Variants in RAD51D observed in about 807,000 individuals in gnomAD.
RAD51D encodes DNA repair protein RAD51 homolog 4.
In RAD51D, 38 loss-of-function variants were observed where a neutral mutation model predicts 44.1. The ratio of observed to expected loss-of-function variants is 0.86; its 90% CI spans 0.67 to 1.13. The LOEUF is 1.13. Ranked by LOEUF, RAD51D falls within the 50% of genes most tolerant of loss-of-function variation. RAD51D has a pLI of 0.00. For missense variants in RAD51D, 390 were observed against 414.0 expected, an observed-to-expected ratio of 0.94 and a Z score of 0.50; for synonymous variants, 141 against 166.6, an observed-to-expected ratio of 0.85 and a Z score of 1.18.
chr17:35,099,523 G>GT lies in RAD51D; in HGVS notation c.*1429dup, dbSNP rs1447733777. 5 of 267,952 alleles carry GT rather than the reference G, an allele frequency of 1.9e-5. No homozygotes were observed. In the Admixed American group the frequency reaches 2.4e-4, roughly 13 times the overall value. 16.6% of individuals were successfully genotyped at this position (267,952 alleles called of 1,614,324 possible). A position where few individuals can be genotyped will look rare whatever the true frequency, so the allele number is the denominator to read the frequency against. On this transcript the variant is annotated 3_prime_UTR_variant, in exon 10 of 10. Transcript: ENST00000345365. ...AGATTAATTTCTCCTGAGGTCTTCT[G>GT]TGAAAGCAAGCGCTAGGATTCCCCC...
At chr17:35,116,904 G>A (rs755753106) in intron 3 of RAD51D, 7 of 1,601,564 alleles carry the variant, frequency 4.4e-6, no homozygotes, top group East Asian at 2.3e-5. Context: ...AGCATTCAGC[G>A]AAAGTCCATC....
chr17:35,108,459 A>G (rs1021557190), intron 3 of RAD51D, among the ~76,000 whole-genome samples: 1 of 148,084 alleles, frequency 6.8e-6, no homozygotes, highest in Non-Finnish European at 1.5e-5. Flanking sequence ...CAGGAGTTCA[A>G]GTCTAGCCCA....
At chr17:35,114,044 G>A (rs912338126) in intron 3 of RAD51D, among the ~76,000 whole-genome samples, 5 of 152,010 alleles carry the variant, frequency 3.3e-5, no homozygotes, top group South Asian at 4.1e-4. Flanking sequence ...AGGCCGAGGC[G>A]GGTGGATCAC....
At chr17:35,109,087 G>A (rs1187773854) in intron 3 of RAD51D, among the ~76,000 whole-genome samples, 1 of 151,988 alleles carries the variant, frequency 6.6e-6, no homozygotes, top group East Asian at 1.9e-4. Flanking sequence ...GACTGGTCTG[G>A]AACTCCTGAC....
chr17:35,117,808 C>T (rs2091767707), intron 3 of RAD51D, among the ~76,000 whole-genome samples: 1 of 152,156 alleles, frequency 6.6e-6, no homozygotes, highest in Admixed American at 6.6e-5. Context: ...GACCGCAACT[C>T]CTTCTTTCTC....
chr17:35,114,116 CA>C (rs1176485391), intron 3 of RAD51D, among the ~76,000 whole-genome samples: 7 of 151,872 alleles, frequency 4.6e-5, no homozygotes, highest in African/African-American at 7.3e-5. Flanking sequence ...ACTAAAAATA[CA>C]AAAAATTAGC....
In RAD51D at chr17:35,100,661, T is replaced by C. The variant is rs1567724317; in HGVS notation, c.*292A>G. On this transcript the variant is annotated 3_prime_UTR_variant, in exon 10 of 10. Transcript: ENST00000345365. The stretch of plus-strand genomic sequence containing the variant: ...AGTCGCCAGCATGCCTCATCAGAGA[T>C]GCTCCCAGCCAGGGTGAACTTGGTT... The C allele has an allele frequency of 1.7e-6, 1 of 577,326 alleles. No homozygotes were observed. Among genetic ancestry groups the C allele is most frequent in the Non-Finnish European group, 3.2e-6 (1 of 310,156 alleles). 35.8% of individuals were successfully genotyped at this position (577,326 alleles called of 1,614,324 possible).
At chr17:35,114,308 CAG>C (rs999722719) in intron 3 of RAD51D, among the ~76,000 whole-genome samples, 4 of 151,530 alleles carry the variant, frequency 2.6e-5, no homozygotes, top group Admixed American at 1.3e-4. Context: ...AAAATAAAAT[CAG>C]GGGAGTTTTT....
intron 6 of RAD51D, among the ~76,000 whole-genome samples, chr17:35,105,257 T>C (rs2091585644): frequency 6.6e-6 from 1 of 152,156 alleles, no homozygotes; most frequent in African/African-American, 2.4e-5. Context: ...AGCTGGTGGG[T>C]CATAACCAGC....
Position 35,100,882 on chromosome 17 carries a change from G to T in RAD51D, c.*71C>A. 7.7e-7 allele frequency: 1 copy of T among 1,294,138 alleles called. No individual in the cohort carries two copies. The highest frequency in any genetic ancestry group is 1.1e-6 in the Non-Finnish European group (1 of 889,860). 80.2% of individuals were successfully genotyped at this position (1,294,138 alleles called of 1,614,324 possible). A position where few individuals can be genotyped will look rare whatever the true frequency, so the allele number is the denominator to read the frequency against. On this transcript the variant is annotated 3_prime_UTR_variant, in exon 10 of 10. Transcript: ENST00000345365. ...CACCAGTGCCAGGTGGCAGTAAACAGCAGGCGTTACTGGGAAGAAAAGTTG... is the reference window on the plus strand; with the variant it reads ...CACCAGTGCCAGGTGGCAGTAAACATCAGGCGTTACTGGGAAGAAAAGTTG...
chr17:35,110,441 C>T (rs775471933), intron 3 of RAD51D, among the ~76,000 whole-genome samples: 35 of 152,100 alleles, frequency 2.3e-4, no homozygotes, highest in Non-Finnish European at 4.1e-4. Flanking sequence ...GATTAGGCCC[C>T]ATTAATCAAA....
In RAD51D at chr17:35,099,067, A is replaced by T. The variant is rs1195016863; in HGVS notation, c.*1886T>A. 1 of 151,594 alleles carries T rather than the reference A, an allele frequency of 6.6e-6. No individual in the cohort carries two copies. Among genetic ancestry groups the T allele is most frequent in the Non-Finnish European group, 1.5e-5 (1 of 67,900 alleles). 9.4% of individuals were successfully genotyped at this position (151,594 alleles called of 1,614,324 possible). On this transcript the variant is annotated 3_prime_UTR_variant, in exon 10 of 10. Transcript: ENST00000345365. ...CATCATGTTGCCCAGGCTGATTTTA[A>T]ACTGTTAAACTCCTGGGCTCAAGTG...
At chr17:35,117,011 G>C in intron 3 of RAD51D, 1 of 1,613,426 alleles carries the variant, frequency 6.2e-7, no homozygotes, top group East Asian at 2.2e-5. Flanking sequence ...GTCCTCCCAG[G>C]TTCCCACTTG....
At chr17:35,114,991 T>G (rs960212612) in intron 3 of RAD51D, among the ~76,000 whole-genome samples, 27 of 152,178 alleles carry the variant, frequency 1.8e-4, no homozygotes, top group Non-Finnish European at 3.1e-4. Flanking sequence ...TGGAGATCAG[T>G]CTGTATAAGG....
chr17:35,109,965 CTTT>C (rs60553944), intron 3 of RAD51D, among the ~76,000 whole-genome samples: 3 of 132,792 alleles, frequency 2.3e-5, no homozygotes, highest in Non-Finnish European at 3.1e-5. Flanking sequence ...CCACGCCTGG[CTTT>C]TTTTTTTTTT....
chr17:35,103,800 T>C lies in RAD51D; in HGVS notation c.577-256A>G, dbSNP rs193192320. Among the ~76,000 whole-genome samples the C allele has an allele frequency of 4.2e-4, 64 of 152,306 alleles. No individual in the cohort carries two copies. Among genetic ancestry groups the C allele is most frequent in the Non-Finnish European group, 5.9e-5 (4 of 68,016 alleles). Reference sequence around the variant, plus strand: ...GACATCAAAACTACACTAAAGTGGCTGGGCGCAGTGGCTCACGCCTGTAAT... The same window carrying C: ...GACATCAAAACTACACTAAAGTGGCCGGGCGCAGTGGCTCACGCCTGTAAT... On this transcript the variant is annotated intron_variant, in intron 6 of 9. Transcript: ENST00000345365. This position sits in a 1 kb window ranked among gnomAD's most constrained non-coding sequence, Gnocchi z 4.1.
intron 3 of RAD51D, among the ~76,000 whole-genome samples, chr17:35,115,956 G>GGAAAGAAAGGAAA (rs1555569881): frequency 4.6e-5 from 3 of 65,282 alleles, no homozygotes; most frequent in East Asian, 8.8e-4. Context: ...AAGGAAGAAA[G>GGAAAGAAAGGAAA]GAAAGAAAGA....
At chr17:35,109,149 G>A (rs1411580122) in intron 3 of RAD51D, among the ~76,000 whole-genome samples, 2 of 152,118 alleles carry the variant, frequency 1.3e-5, no homozygotes, top group East Asian at 1.9e-4. Context: ...TTACAGACAT[G>A]AGCCACCGTG....
chr17:35,093,051 C>T lies in RAD51D; in HGVS notation c.*7902G>A, dbSNP rs2091465976. On this transcript the variant is annotated 3_prime_UTR_variant, in exon 10 of 10. Transcript: ENST00000345365. Reference sequence around the variant, plus strand: ...CTAAGCATGGGGCTGTGTGACTGCACTGGTCATACCACCATGTAGCTGGGC... The same window carrying T: ...CTAAGCATGGGGCTGTGTGACTGCATTGGTCATACCACCATGTAGCTGGGC... 1 of 152,232 alleles carries T rather than the reference C, an allele frequency of 6.6e-6. No individual in the cohort carries two copies. The highest frequency in any genetic ancestry group is 1.5e-5 in the Non-Finnish European group (1 of 68,048). The allele number at this position is 152,232 out of a possible 1,614,324, so 9.4% of individuals were successfully genotyped here.
Sources: allele counts gnomAD v4.1 joint callset (sites outside exome capture counted in the v4.1 genomes callset), GRCh38; gene constraint gnomAD v4.1.1; non-coding constraint Gnocchi (gnomAD v3.1); transcripts MANE v1.5; gene names NCBI Gene and HGNC (gene_info 2026-07-23, HGNC 2026-07-21).